SAMMSON: variants seen among roughly 807,000 people sequenced by gnomAD.
SAMMSON encodes the protein survival associated mitochondrial melanoma specific oncogenic non-coding RNA, also known as long intergenic non-protein coding RNA 1212.
intron 2 of SAMMSON, chr3:70,424,678 G>T (rs777513375): frequency 6.6e-6 from 1 of 152,114 alleles, no homozygotes; most frequent in Non-Finnish European, 1.5e-5. Context: ...CTTAAAAAAG[G>T]ACTGTTCTAG....
chr3:70,014,784 A>G (rs2066974842), intron 3 of SAMMSON: 1 of 152,148 alleles, frequency 6.6e-6, no homozygotes, highest in South Asian at 2.1e-4. Flanking sequence ...TGTGTATGAT[A>G]TTGCATGAGT....
chr3:70,333,407 TACAC>T (rs563161566), intron 7 of SAMMSON, among the ~76,000 whole-genome samples: 1 of 152,028 alleles, frequency 6.6e-6, no homozygotes, highest in Non-Finnish European at 1.5e-5. Flanking sequence ...AATGGTTATA[TACAC>T]ACACACATGT....
At chr3:70,277,688 C>T (rs777889913) in intron 6 of SAMMSON, among the ~76,000 whole-genome samples, 43 of 152,212 alleles carry the variant, frequency 2.8e-4, no homozygotes, top group Middle Eastern at 3.4e-3. Context: ...CACCACCTCC[C>T]GAGCTTCAGG....
At chr3:70,390,964 G>T (rs1701041721), downstream of SAMMSON, among the ~76,000 whole-genome samples, 1 of 152,016 alleles carries the variant, frequency 6.6e-6, no homozygotes, top group Non-Finnish European at 1.5e-5. Flanking sequence ...ATATTTTGTT[G>T]ACAAATTCAT....
intron 4 of SAMMSON, chr3:70,126,463 G>T: frequency 3.0e-6 from 2 of 666,470 alleles, no homozygotes; most frequent in South Asian, 3.2e-5. Flanking sequence ...ACCGTGCCTT[G>T]AAGTACTTCA....
intron 6 of SAMMSON, among the ~76,000 whole-genome samples, chr3:70,278,854 G>C (rs111500396): frequency 6.6e-6 from 1 of 151,764 alleles, no homozygotes; most frequent in African/African-American, 2.4e-5. Flanking sequence ...AAATCAAAGG[G>C]TTGTTGTAAA....
intron 6 of SAMMSON, among the ~76,000 whole-genome samples, chr3:70,274,056 C>CGTGTGT (rs111792704): frequency 0.051 from 7,235 of 142,766 alleles, 205 homozygotes; most frequent in Middle Eastern, 0.092. Context: ...ATTAAACCTC[C>CGTGTGT]GTGTGTGTGT....
intron 6 of SAMMSON, among the ~76,000 whole-genome samples, chr3:70,290,107 C>G (rs1168628038): frequency 1.3e-5 from 2 of 152,232 alleles, no homozygotes; most frequent in South Asian, 2.1e-4. Flanking sequence ...TGGTGAGGAG[C>G]TGCGTTCCTT....
intron 6 of SAMMSON, among the ~76,000 whole-genome samples, chr3:70,250,076 G>A (rs1250854510): frequency 1.3e-5 from 2 of 152,152 alleles, no homozygotes; most frequent in African/African-American, 4.8e-5. Context: ...GTCAGGTTGT[G>A]CAAATTTTAC....
chr3:70,350,395 A>T (rs897541649), intron 7 of SAMMSON, among the ~76,000 whole-genome samples: 3 of 152,260 alleles, frequency 2.0e-5, no homozygotes, highest in African/African-American at 7.2e-5. Flanking sequence ...TGCTAAAATT[A>T]TACAGAAATT....
chr3:70,270,815 A>G (rs1200344817), intron 6 of SAMMSON, among the ~76,000 whole-genome samples: 4 of 152,146 alleles, frequency 2.6e-5, no homozygotes, highest in Admixed American at 1.3e-4. Flanking sequence ...GTTATCACTC[A>G]TAAGTGGGAG....
chr3:70,314,769 A>T (rs1702484424), intron 7 of SAMMSON, among the ~76,000 whole-genome samples: 1 of 152,118 alleles, frequency 6.6e-6, no homozygotes, highest in Non-Finnish European at 1.5e-5. Flanking sequence ...GATCTTTGTA[A>T]GGTTACAAGT....
At chr3:70,319,531 C>T (rs892825678) in intron 7 of SAMMSON, among the ~76,000 whole-genome samples, 1 of 152,076 alleles carries the variant, frequency 6.6e-6, no homozygotes, top group Admixed American at 6.6e-5. Context: ...AGATAGTCTT[C>T]TCTCTCTGTC....
intron 4 of SAMMSON, among the ~76,000 whole-genome samples, chr3:70,219,050 C>A (rs1464902639): frequency 6.6e-6 from 1 of 152,098 alleles, no homozygotes; most frequent in African/African-American, 2.4e-5. Flanking sequence ...TTAGTAAAGG[C>A]AGGTTTAAAA....
chr3:70,420,952 A>G (rs891499975), intron 2 of SAMMSON, among the ~76,000 whole-genome samples: 1 of 147,798 alleles, frequency 6.8e-6, no homozygotes, highest in African/African-American at 2.5e-5. Flanking sequence ...TTTTTTTTTT[A>G]TTCTGTGCAT....
intron 7 of SAMMSON, among the ~76,000 whole-genome samples, chr3:70,315,301 C>T (rs1167872579): frequency 4.6e-5 from 7 of 152,048 alleles, no homozygotes; most frequent in South Asian, 2.1e-4. Flanking sequence ...TTTGCCTTTG[C>T]CCTTTGAACA....
At chr3:70,402,881 A>G (rs965209573) in intron 2 of SAMMSON, among the ~76,000 whole-genome samples, 1 of 152,108 alleles carries the variant, frequency 6.6e-6, no homozygotes, top group African/African-American at 2.4e-5. Context: ...CAAAATACAT[A>G]TATATGTATA....
intron 1 of SAMMSON, among the ~76,000 whole-genome samples, chr3:70,006,806 C>T (rs1452514812): frequency 1.7e-5 from 2 of 120,442 alleles, no homozygotes; most frequent in African/African-American, 3.2e-5. Flanking sequence ...CCTCCCCCCA[C>T]CCCACAACAG....
At chr3:70,417,785 A>T (rs945117654) in intron 2 of SAMMSON, among the ~76,000 whole-genome samples, 1 of 152,056 alleles carries the variant, frequency 6.6e-6, no homozygotes, top group Non-Finnish European at 1.5e-5. Context: ...AAGGATTCTG[A>T]TTGGCTCTTC....
Sources: gnomAD v4.1 joint callset for allele counts (sites outside exome capture counted in the v4.1 genomes callset) on GRCh38, gnomAD v4.1.1 for gene constraint, MANE v1.5 for transcripts, NCBI Gene and HGNC (gene_info 2026-07-23, HGNC 2026-07-21) for gene names.